Variants in TRIOBP observed in about 807,000 individuals in gnomAD.
TRIOBP encodes TRIO and F-actin binding protein.
A neutral mutation model predicts 238.8 loss-of-function variants in TRIOBP; 169 were observed. The ratio of observed to expected loss-of-function variants is 0.71; its 90% CI spans 0.62 to 0.80. The LOEUF is 0.80. TRIOBP is among the 30% of genes least tolerant of loss of function. TRIOBP has a pLI of 0.00. For missense variants in TRIOBP, 2,838 were observed against 3,122.6 expected, an observed-to-expected ratio of 0.91 and a Z score of 2.17; for synonymous variants, 1,150 against 1,274.4, an observed-to-expected ratio of 0.90 and a Z score of 2.08.
Position 37,735,386 on chromosome 22 carries a change from A to G in TRIOBP, c.5050A>G (p.Thr1684Ala), listed in dbSNP as rs1247586050. Residue 1684 changes from threonine (T) to alanine (A), a missense_variant, in exon 9 of 24, where the codon ACG becomes GCG. Physicochemically the swap from Thr to Ala is moderately conservative, Grantham distance 58. Transcript: ENST00000644935. ...ATATLAGLEQ[T>A]GPLGSRSTAK... ...CGCAACTCTGGCAGGCCTGGAGCAG[A>G]CGGGCCCCCTGGGGAGCAGGAGCAC... 1 of 1,607,150 alleles carries G rather than the reference A, an allele frequency of 6.2e-7. No individual in the cohort carries two copies. The highest frequency in any genetic ancestry group is 1.3e-5 in the African/African-American group (1 of 74,802).
chr22:37,726,822 C>G (rs542497666), intron 7 of TRIOBP, among the ~76,000 whole-genome samples: 34 of 152,320 alleles, frequency 2.2e-4, no homozygotes, highest in Admixed American at 2.0e-3. Context: ...GTTAACCTAC[C>G]TGAGCCTCAG....
chr22:37,713,655 C>T (rs978796617), intron 5 of TRIOBP, among the ~76,000 whole-genome samples: 2 of 152,184 alleles, frequency 1.3e-5, no homozygotes, highest in African/African-American at 2.4e-5. Context: ...GAGTTTCAGC[C>T]GACAGGAGCT....
intron 11 of TRIOBP, chr22:37,750,656 G>C (rs1390929888): frequency 6.4e-6 from 3 of 471,164 alleles, no homozygotes; most frequent in South Asian, 4.6e-5. Flanking sequence ...ACAGGGAGGG[G>C]CTGGGATGCC....
At position 37,725,747 on chromosome 22, in the gene TRIOBP, G is replaced by A; in HGVS notation, c.3191G>A (p.Cys1064Tyr). 2 of 1,612,308 alleles carry A rather than the reference G, an allele frequency of 1.2e-6. No individual in the cohort carries two copies. The highest frequency in any genetic ancestry group is 2.2e-5 in the South Asian group (2 of 90,998). Reference sequence around the variant, plus strand: ...CCTCCCTATATACCACCTGCTGTGTGCATTGGACACCGAGATGCCCCCCGG... The same window carrying A: ...CCTCCCTATATACCACCTGCTGTGTACATTGGACACCGAGATGCCCCCCGG... ...HEPPYIPPAV[C>Y]IGHRDAPRAS... The change falls in exon 7 of 24, where the codon TGC becomes TAC. Residue 1064 changes from cysteine (C) to tyrosine (Y), a missense_variant. Cys to Tyr is a radical substitution (Grantham distance 194). Around this residue, in one of 5 missense-constraint regions of TRIOBP, gnomAD observed 2,096 missense variants for 2,137.4 expected, o/e 0.98. Transcript: ENST00000644935.
intron 8 of TRIOBP, among the ~76,000 whole-genome samples, chr22:37,734,015 C>A (rs750513053): frequency 6.6e-6 from 1 of 152,236 alleles, no homozygotes; most frequent in Admixed American, 6.5e-5. Flanking sequence ...AAGCAAGAAT[C>A]TGGCTCTAAG....
At chr22:37,723,032 G>A (rs1923912603) in intron 6 of TRIOBP, among the ~76,000 whole-genome samples, 153 bp from the exon 7 acceptor site, 1 of 152,210 alleles carries the variant, frequency 6.6e-6, no homozygotes, top group Non-Finnish European at 1.5e-5. Flanking sequence ...GCCTTGGTCA[G>A]AGAGGTGGAG....
intron 6 of TRIOBP, among the ~76,000 whole-genome samples, chr22:37,721,024 ATTTT>A (rs11312598): frequency 7.5e-6 from 1 of 133,334 alleles, no homozygotes; most frequent in African/African-American, 2.9e-5. Context: ...CATCCGGCTA[ATTTT>A]TTTTTTTTTT....
At position 37,733,390 on chromosome 22, in the gene TRIOBP, C is replaced by G; in HGVS notation, c.4040C>G (p.Ser1347Cys). 6.4e-7 allele frequency: 1 copy of G among 1,550,936 alleles called. No homozygotes were observed. The highest frequency in any genetic ancestry group is 8.7e-7 in the Non-Finnish European group (1 of 1,147,128). The change falls in exon 8 of 24, where the codon TCC becomes TGC. Residue 1347 changes from serine (S) to cysteine (C), a missense_variant. This residue lies in a region of TRIOBP where 2,096 missense variants were observed against 2,137.4 expected (regional missense o/e 0.98). Transcript: ENST00000644935. ...QGQSQLLRRQ[S>C]SPAPSRQVTM... is the part of the protein sequence containing the mutation. ...CAGAGCCAACTTCTCCGAAGACAGTCCAGCCCTGCCCCCAGCAGGCAGGTG... is the reference window on the plus strand; with the variant it reads ...CAGAGCCAACTTCTCCGAAGACAGTGCAGCCCTGCCCCCAGCAGGCAGGTG...
chr22:37,743,842 T>TGTGTGTGTGC (rs1433842741), intron 11 of TRIOBP, among the ~76,000 whole-genome samples: 2 of 115,186 alleles, frequency 1.7e-5, no homozygotes, highest in African/African-American at 3.7e-5. Flanking sequence ...TGTGTGTGTG[T>TGTGTGTGTGC]GTGCTGGGTG....
chr22:37,697,249 A>G (rs1011422579), intron 1 of TRIOBP, among the ~76,000 whole-genome samples, 160 bp downstream of exon 1: 3 of 152,148 alleles, frequency 2.0e-5, no homozygotes, highest in African/African-American at 7.2e-5. Flanking sequence ...GGTTTTGATT[A>G]TTATATCCAC....
rs200623603 is a variant in TRIOBP, at chr22:37,734,656, T to C, written c.4320T>C (p.His1440=). 9.4e-6 allele frequency: 15 copies of C among 1,597,264 alleles called. No individual in the cohort carries two copies. Among genetic ancestry groups the C allele is most frequent in the East Asian group, 9.1e-5 (4 of 44,094 alleles). The stretch of plus-strand genomic sequence containing the variant: ...AACCGCCAGGGTCCCAGGGCCCTCA[T>C]AGACACCTAGAAAGGAGCTGGAGCA... ...QEEPPGSQGP[H]RHLERSWSSQ... is the part of the protein sequence containing the mutation. The change falls in exon 9 of 24, where the codon CAT becomes CAC. Residue 1440 remains histidine, a synonymous_variant. Transcript: ENST00000644935.
chr22:37,716,027 T>G (rs964287549), intron 6 of TRIOBP, 93 bp downstream of exon 6: 2 of 1,413,048 alleles, frequency 1.4e-6, no homozygotes, highest in Non-Finnish European at 2.0e-6. Flanking sequence ...GGGCACGGCT[T>G]ACTTTGGTGG....
At chr22:37,772,544 G>T in intron 22 of TRIOBP, 57 bp from the exon 23 acceptor site, 5 of 1,612,578 alleles carry the variant, frequency 3.1e-6, no homozygotes, top group Non-Finnish European at 3.4e-6. Context: ...CATGTGCCCG[G>T]TTGGCAGGGC....
intron 17 of TRIOBP, among the ~76,000 whole-genome samples, chr22:37,765,363 C>A (rs560302808): frequency 6.6e-6 from 1 of 152,272 alleles, no homozygotes; most frequent in East Asian, 1.9e-4. Flanking sequence ...GTGCTGCAAC[C>A]GTAACTGTGA....
chr22:37,698,528 GT>G (rs1922476321), intron 2 of TRIOBP, among the ~76,000 whole-genome samples: 1 of 151,450 alleles, frequency 6.6e-6, no homozygotes. Context: ...AATTTTTATA[GT>G]TTTAGTAGAG....
intron 18 of TRIOBP, among the ~76,000 whole-genome samples, chr22:37,767,062 C>T (rs1569062493): frequency 1.3e-5 from 2 of 151,920 alleles, no homozygotes; most frequent in Admixed American, 1.3e-4. Flanking sequence ...ACCAGCCTGG[C>T]CAAGATGGTG....
intron 17 of TRIOBP, among the ~76,000 whole-genome samples, chr22:37,762,418 C>T (rs1926291159): frequency 6.6e-6 from 1 of 152,222 alleles, no homozygotes; most frequent in Admixed American, 6.5e-5. Flanking sequence ...TAGATAAAGG[C>T]TCTGCCACTA....
chr22:37,712,766 C>G (rs1923316124), intron 4 of TRIOBP, among the ~76,000 whole-genome samples: 2 of 151,674 alleles, frequency 1.3e-5, no homozygotes, highest in Non-Finnish European at 2.9e-5. Context: ...ACCATCCTGG[C>G]TAACACGGTG....
At position 37,726,150 on chromosome 22, in the gene TRIOBP, C is replaced by G. The variant is rs867123030; in HGVS notation, c.3594C>G (p.Ser1198Arg). 2.0e-5 allele frequency: 31 copies of G among 1,550,934 alleles called. No individual in the cohort carries two copies. The Middle Eastern group carries it at 4.5e-3, about 223-fold the overall frequency. ...ATCCCCCTGGAACTAGTATGGAGAG[C>G]CTGGCCCCCTCCACTGACTCTCTGC... ...FQDPPGTSME[S>R]LAPSTDSLHG... Residue 1198 changes from serine to arginine, a missense_variant, in exon 7 of 24, where the codon AGC (serine) becomes AGG (arginine). Coordinates refer to ENST00000644935, the MANE Select transcript of TRIOBP (RefSeq NM_001039141.3).
Sources: gnomAD v4.1 joint callset for allele counts (sites outside exome capture counted in the v4.1 genomes callset) on GRCh38, gnomAD v4.1.1 for gene constraint, gnomAD v4.1.1 regional missense constraint, MANE v1.5 for transcripts, NCBI Gene and HGNC (gene_info 2026-07-23, HGNC 2026-07-21) for gene names.